Variants in DMD observed in about 807,000 individuals in gnomAD.
DMD encodes mutant dystrophin.
Under a neutral mutation model 330.1 loss-of-function variants are expected in DMD, and 63 were observed. The ratio of observed to expected loss-of-function variants is 0.19; its 90% CI spans 0.16 to 0.24. The LOEUF (loss-of-function observed/expected upper bound fraction) is 0.24. Ranked by LOEUF, DMD falls within the 10% of genes least tolerant of loss-of-function variation. The probability of loss-of-function intolerance (pLI) is 1.00; values close to 1 mark genes in which losing one functional copy is unlikely to be tolerated. For synonymous variants in DMD, 1,223 were observed against 959.8 expected, an observed-to-expected ratio of 1.27 and a Z score of -5.07; for missense variants, 3,344 against 2,684.1, an observed-to-expected ratio of 1.25 and a Z score of -5.43.
intron 7 of DMD, among the ~76,000 whole-genome samples, chrX:32,741,880 T>G (rs144519876): frequency 1.4e-3 from 154 of 112,274 alleles, no homozygotes; most frequent in Non-Finnish European, 2.5e-3. Flanking sequence ...ATAAACTTGT[T>G]AGGCAAAAGT....
intron 44 of DMD, among the ~76,000 whole-genome samples, chrX:32,104,349 C>A (rs2096554273): frequency 9.0e-6 from 1 of 111,577 alleles, no homozygotes; most frequent in South Asian, 3.8e-4. Flanking sequence ...ATAGCCCTAG[C>A]TTAGAAATAA....
intron 1 of DMD, among the ~76,000 whole-genome samples, chrX:33,052,485 C>T (rs2094468699): frequency 9.0e-6 from 1 of 111,483 alleles, no homozygotes; most frequent in Non-Finnish European, 1.9e-5. Flanking sequence ...AATATGGAAA[C>T]ATTTATTCAA....
rs191521454 is a variant in DMD, at chrX:31,213,456, C to T, written c.9362-3757G>A. Among the ~76,000 whole-genome samples the T allele has an allele frequency of 4.5e-5, 5 of 112,003 alleles. No homozygotes were observed. The Admixed American group carries it at 4.7e-4, about 11-fold the overall frequency. On this transcript the variant is annotated intron_variant, in intron 64 of 78. Transcript: ENST00000357033. ...ACCCACGGGATATAAGAAACCCTGG[C>T]TGAAACTCCAATTTGTGCTCCCTGG...
intron 9 of DMD, among the ~76,000 whole-genome samples, chrX:32,655,058 G>A (rs1297652190): frequency 1.8e-5 from 2 of 110,944 alleles, no homozygotes; most frequent in East Asian, 5.6e-4. Flanking sequence ...AGTCTTGCTA[G>A]CGATCTATCA....
In DMD at chrX:31,233,744, C is replaced by T. The variant is rs145709397; in HGVS notation, c.9287-10623G>A. Among the ~76,000 whole-genome samples, 217 of 112,002 alleles carry T rather than the reference C, an allele frequency of 1.9e-3. 1 individual carries two copies. Among genetic ancestry groups the T allele is most frequent in the African/African-American group, 6.7e-3 (208 of 30,849 alleles). ...ACCTTTTCTACCTTGGCCTTACCGCCGTCTCGGCTTACTTATTTCTCTGCC... is the reference window on the plus strand; with the variant it reads ...ACCTTTTCTACCTTGGCCTTACCGCTGTCTCGGCTTACTTATTTCTCTGCC... On this transcript the variant is annotated intron_variant, in intron 63 of 78. Transcript: ENST00000357033.
chrX:31,181,514 C>T (rs1252851194), intron 68 of DMD, among the ~76,000 whole-genome samples: 2 of 111,289 alleles, frequency 1.8e-5, no homozygotes, highest in Non-Finnish European at 3.8e-5. Context: ...AAATCTAATG[C>T]AGTCACTGTG....
At chrX:31,715,221 G>A (rs748213567) in intron 52 of DMD, among the ~76,000 whole-genome samples, 18 of 78,555 alleles carry the variant, frequency 2.3e-4, no homozygotes, top group Non-Finnish European at 4.3e-4. Context: ...GGGGGTTGGT[G>A]GGGGGGGAGC....
intron 27 of DMD, among the ~76,000 whole-genome samples, chrX:32,442,741 A>G (rs919156920): frequency 2.7e-5 from 3 of 110,985 alleles, no homozygotes; most frequent in African/African-American, 9.8e-5. Flanking sequence ...AAAAAAGGAA[A>G]TAATGTCCAC....
At chrX:31,249,830 CTAA>C (rs753497026) in intron 63 of DMD, among the ~76,000 whole-genome samples, 12 of 110,813 alleles carry the variant, frequency 1.1e-4, no homozygotes, top group Non-Finnish European at 1.9e-4. Flanking sequence ...ATAATAATAA[CTAA>C]TAATAATAAT....
In DMD at chrX:31,157,989, G is replaced by C. The variant is rs761856053; in HGVS notation, c.10554-10471C>G. ...TGGCTAATTAAAAAAAAAAATTGTA[G>C]AGACGGTATCTCCCCATGTTGCCCA... On this transcript the variant is annotated intron_variant, in intron 74 of 78. Coordinates refer to ENST00000357033, the MANE Select transcript of DMD (RefSeq NM_004006.3). 5.5e-5 allele frequency among the ~76,000 whole-genome samples: 6 copies of C among 108,893 alleles called. No individual in the cohort carries two copies. In the South Asian group the frequency reaches 2.5e-3, roughly 45 times the overall value. The allele number at this position is 108,893 out of a possible 115,157, so 94.6% of individuals were successfully genotyped here. A position where few individuals can be genotyped will look rare whatever the true frequency, so the allele number is the denominator to read the frequency against.
intron 61 of DMD, among the ~76,000 whole-genome samples, chrX:31,343,652 C>T (rs1251876919): frequency 9.5e-6 from 1 of 104,747 alleles, no homozygotes; most frequent in African/African-American, 3.5e-5. Context: ...CACACACGTG[C>T]GAGACAGAGA....
chrX:32,642,192 CATATT>C (rs762665912), intron 11 of DMD, among the ~76,000 whole-genome samples: 7 of 111,774 alleles, frequency 6.3e-5, no homozygotes, highest in Non-Finnish European at 1.3e-4. Flanking sequence ...TATAAACTCT[CATATT>C]ATTTCTGAAT....
intron 12 of DMD, among the ~76,000 whole-genome samples, chrX:32,596,704 C>T: frequency 9.1e-6 from 1 of 109,908 alleles, no homozygotes; most frequent in East Asian, 2.9e-4. Context: ...CACCACCACG[C>T]CCAGCTAATT....
Position 32,331,468 on chromosome X carries a change from T to C in DMD, c.5922+10632A>G, listed in dbSNP as rs1430416026. On this transcript the variant is annotated intron_variant, in intron 41 of 78. Transcript: ENST00000357033. ...AATTCATCACTTCATTTTGTATTTATATCCAATATTTCTGAAAAATATATT... is the reference window on the plus strand; with the variant it reads ...AATTCATCACTTCATTTTGTATTTACATCCAATATTTCTGAAAAATATATT... Among the ~76,000 whole-genome samples the C allele has an allele frequency of 8.0e-5, 9 of 111,960 alleles. No individual in the cohort carries two copies. In the Admixed American group the frequency reaches 8.6e-4, roughly 11 times the overall value.
chrX:32,110,154 G>A lies in DMD; in HGVS notation c.6438+106762C>T, dbSNP rs16990119. Among the ~76,000 whole-genome samples the A allele has an allele frequency of 3.3e-3, 365 of 111,787 alleles. 2 individuals are homozygous for A. The highest frequency in any genetic ancestry group is 0.011 in the African/African-American group (349 of 30,827). On this transcript the variant is annotated intron_variant, in intron 44 of 78. Transcript: ENST00000357033. ...TTGATTGGCTGTCGTTTACCTATTA[G>A]GTGCTGCCTTCAATTCATTTTTACA...
chrX:31,478,169 T>A lies in DMD; in HGVS notation c.8874A>T (p.Gly2958=). ...LKLRQAEVIK[G]SWQPVGDLLI... ...GGAGATCGCCCACGGGCTGCCAGGA[T>A]CCCTTGATCACCTCAGCTTGGCGCA... The change falls in exon 59 of 79, where the codon GGA becomes GGT. Residue 2958 remains glycine (G), a synonymous_variant. Coordinates refer to ENST00000357033, the MANE Select transcript of DMD (RefSeq NM_004006.3). 1.7e-6 allele frequency: 2 copies of A among 1,211,200 alleles called. No individual in the cohort carries two copies. The highest frequency in any genetic ancestry group is 3.5e-5 in the African/African-American group (2 of 57,732).
At chrX:31,827,529 T>G (rs2149452479) in intron 49 of DMD, among the ~76,000 whole-genome samples, 1 of 111,601 alleles carries the variant, frequency 9.0e-6, no homozygotes, top group Admixed American at 9.5e-5. Context: ...AAACAAAAAC[T>G]TAACAAAGAA....
At position 32,132,993 on chromosome X, in the gene DMD, C is replaced by CTTTTCTTTTTTTTTTTTT. The variant is rs2096705124; in HGVS notation, c.6438+83922_6438+83923insAAAAAAAAAAAAAGAAAA. Reference sequence around the variant, plus strand: ...TCTCATTGATCACTCCTTTTCTTTTCTTTTTTTTTTTTTTTTTTTTTTTTT... The same window carrying CTTTTCTTTTTTTTTTTTT: ...TCTCATTGATCACTCCTTTTCTTTTCTTTTCTTTTTTTTTTTTTTTTTTTTTTTTTTTTTTTTTTTTTT... On this transcript the variant is annotated intron_variant, in intron 44 of 78. Coordinates refer to ENST00000357033, the MANE Select transcript of DMD (RefSeq NM_004006.3). Among the ~76,000 whole-genome samples the CTTTTCTTTTTTTTTTTTT allele has an allele frequency of 2.1e-4, 16 of 75,959 alleles. 1 individual carries two copies. Among genetic ancestry groups the CTTTTCTTTTTTTTTTTTT allele is most frequent in the African/African-American group, 1.0e-3 (15 of 14,529 alleles). The allele number at this position is 75,959 out of a possible 115,157, so 66.0% of individuals were successfully genotyped here.
At chrX:31,350,628 TGTGTGAGAGAGAGAGAGA>T (rs1273384541) in intron 60 of DMD, among the ~76,000 whole-genome samples, 25 of 52,684 alleles carry the variant, frequency 4.7e-4, no homozygotes, top group African/African-American at 1.8e-3. Context: ...TGTGTGTGTG[TGTGTGAGAGAGAGAGAGA>T]GAGAGAGAGA....
Sources: allele counts gnomAD v4.1 joint callset (sites outside exome capture counted in the v4.1 genomes callset), GRCh38; gene constraint gnomAD v4.1.1; transcripts MANE v1.5; gene names NCBI Gene and HGNC (gene_info 2026-07-23, HGNC 2026-07-21).